STOX2: variants seen among roughly 807,000 people sequenced by gnomAD.
STOX2 encodes the protein storkhead box 2.
In STOX2, 28 loss-of-function variants were observed where a neutral mutation model predicts 60.9. That is an observed-to-expected ratio of 0.46 (90% CI 0.34 to 0.63). The LOEUF (loss-of-function observed/expected upper bound fraction) is 0.63. Among genes scored for constraint, STOX2 ranks in the 30% least tolerant of loss-of-function variants. The probability of loss-of-function intolerance (pLI) is 0.01; values close to 1 mark genes in which losing one functional copy is unlikely to be tolerated. For synonymous variants in STOX2, 472 were observed against 463.9 expected (o/e 1.02, Z -0.22); for missense variants, 1,024 against 1,187.7 (o/e 0.86, Z 2.03).
At chr4:183,953,682 C>T (rs1230348343) in intron 1 of STOX2, among the ~76,000 whole-genome samples, 1 of 151,610 alleles carries the variant, frequency 6.6e-6, no homozygotes, top group African/African-American at 2.4e-5. Context: ...TCTCCTGCCT[C>T]AGCCTCCCGA....
chr4:183,843,676 A>G (rs911886394), intron 1 of STOX2, among the ~76,000 whole-genome samples: 21 of 152,338 alleles, frequency 1.4e-4, no homozygotes, highest in African/African-American at 5.0e-4. Context: ...TAATTTTCAC[A>G]TATGATGAAA....
chr4:183,952,795 G>A (rs1225629315), intron 1 of STOX2, among the ~76,000 whole-genome samples: 1 of 152,168 alleles, frequency 6.6e-6, no homozygotes, highest in Non-Finnish European at 1.5e-5. Context: ...ATATGCTCAT[G>A]AGTGGTGACT....
chr4:183,829,807 GT>G (rs1223169838), intron 1 of STOX2, among the ~76,000 whole-genome samples: 1 of 152,140 alleles, frequency 6.6e-6, no homozygotes, highest in Admixed American at 6.5e-5. Flanking sequence ...TAGATTTTCT[GT>G]TATGTGTTGG....
intron 1 of STOX2, among the ~76,000 whole-genome samples, chr4:183,934,547 T>C (rs892533916): frequency 3.3e-5 from 5 of 152,196 alleles, no homozygotes; most frequent in Admixed American, 6.5e-5. Context: ...TACTGACTTA[T>C]CCAGTTGTAC....
intron 1 of STOX2, among the ~76,000 whole-genome samples, chr4:183,912,051 G>A (rs758479099): frequency 3.9e-5 from 6 of 152,124 alleles, no homozygotes; most frequent in Non-Finnish European, 8.8e-5. Flanking sequence ...ATCAGAAGGC[G>A]TGTGCAACCA....
intron 1 of STOX2, among the ~76,000 whole-genome samples, chr4:183,805,437 T>G (rs951292027): frequency 7.9e-5 from 12 of 152,226 alleles, no homozygotes; most frequent in African/African-American, 2.9e-4. Flanking sequence ...ATCTAATTTT[T>G]TAATTTATAG....
intron 1 of STOX2, among the ~76,000 whole-genome samples, chr4:183,834,789 C>T (rs1483056899): frequency 5.3e-5 from 8 of 152,208 alleles, no homozygotes; most frequent in Admixed American, 1.3e-4. Flanking sequence ...CAATATTTAG[C>T]ACTTACTCTG....
intron 1 of STOX2, among the ~76,000 whole-genome samples, chr4:183,884,897 G>C (rs956943540): frequency 2.0e-5 from 3 of 152,170 alleles, no homozygotes; most frequent in Admixed American, 1.3e-4. Context: ...GGTCATGAAA[G>C]TAAACCTTGG....
chr4:183,922,492 C>T (rs1391820673), intron 1 of STOX2, among the ~76,000 whole-genome samples: 1 of 151,746 alleles, frequency 6.6e-6, no homozygotes, highest in African/African-American at 2.4e-5. Context: ...ATTACAGGCG[C>T]CCCCCACCAC....
chr4:183,939,666 G>C (rs1181438117), intron 1 of STOX2, among the ~76,000 whole-genome samples: 1 of 151,988 alleles, frequency 6.6e-6, no homozygotes, highest in Non-Finnish European at 1.5e-5. Flanking sequence ...TTGCTGGAGA[G>C]AGAGGGACTG....
At chr4:184,004,696 G>A (rs536657291) in intron 2 of STOX2, among the ~76,000 whole-genome samples, 1 of 152,274 alleles carries the variant, frequency 6.6e-6, no homozygotes, top group Admixed American at 6.5e-5. Flanking sequence ...CTGAATTTTT[G>A]AAAACCAACT....
chr4:183,892,426 C>A (rs1741242316), intron 1 of STOX2, among the ~76,000 whole-genome samples: 1 of 152,038 alleles, frequency 6.6e-6, no homozygotes, highest in South Asian at 2.1e-4. Flanking sequence ...CTATGGGCGC[C>A]CGCCACCACG....
At chr4:183,839,827 A>G (rs150015491) in intron 1 of STOX2, among the ~76,000 whole-genome samples, 1 of 152,380 alleles carries the variant, frequency 6.6e-6, no homozygotes, top group East Asian at 1.9e-4. Flanking sequence ...TTGCATGAGT[A>G]AAGAATCCAT....
At chr4:183,932,331 C>CAGT (rs1742450431) in intron 1 of STOX2, among the ~76,000 whole-genome samples, 3 of 23,398 alleles carry the variant, frequency 1.3e-4, no homozygotes, top group Non-Finnish European at 3.8e-4. Flanking sequence ...TGTATGTATA[C>CAGT]ATACAGTATA....
At position 183,947,083 on chromosome 4, in the gene STOX2, GGGT is replaced by G. The variant is rs200027705; in HGVS notation, c.166+40130_166+40132del. 1.3e-3 allele frequency among the ~76,000 whole-genome samples: 52 copies of G among 39,074 alleles called. No homozygotes were observed. In the East Asian group the frequency reaches 0.025, roughly 18 times the overall value. The allele number at this position is 39,074 out of a possible 152,430, so 25.6% of individuals were successfully genotyped here. ...CCGTGGATTTCGGTATCCTGGTGGG[GGGT>G]GGGGCAAGGGGGCTCCTGGAACCAG... On this transcript the variant is annotated intron_variant, in intron 1 of 3. Coordinates refer to ENST00000308497, the MANE Select transcript of STOX2 (RefSeq NM_020225.3).
In STOX2 at chr4:183,929,023, G is replaced by A. The variant is rs146534343; in HGVS notation, c.166+22067G>A. Among the ~76,000 whole-genome samples, 533 of 152,250 alleles carry A rather than the reference G, an allele frequency of 3.5e-3. 2 individuals carry two copies. Among genetic ancestry groups the A allele is most frequent in the African/African-American group, 0.012 (509 of 41,544 alleles). ...CCCCGAAAGCGTAACTCCTGTAACC[G>A]TCTCGAGAATTCCTCAGATGAGTAT... On this transcript the variant is annotated intron_variant, in intron 1 of 3. Coordinates refer to ENST00000308497, the MANE Select transcript of STOX2 (RefSeq NM_020225.3).
intron 1 of STOX2, among the ~76,000 whole-genome samples, chr4:183,857,819 A>T (rs995229751): frequency 3.3e-5 from 5 of 152,090 alleles, no homozygotes; most frequent in Non-Finnish European, 5.9e-5. Context: ...TTGGCGGCAC[A>T]GCTCCCTCCC....
intron 1 of STOX2, among the ~76,000 whole-genome samples, chr4:183,951,727 C>T (rs1192790873): frequency 6.6e-6 from 1 of 152,076 alleles, no homozygotes; most frequent in Non-Finnish European, 1.5e-5. Flanking sequence ...ATCACAAGGT[C>T]AGGAGTTCGA....
chr4:184,015,098 T>C (rs941190410), intron 3 of STOX2: 11 of 152,242 alleles, frequency 7.2e-5, no homozygotes, highest in African/African-American at 1.4e-4. Flanking sequence ...TCTTCCTTGA[T>C]GCTTACTTCT....
Sources: allele counts gnomAD v4.1 joint callset (sites outside exome capture counted in the v4.1 genomes callset), GRCh38; gene constraint gnomAD v4.1.1; transcripts MANE v1.5; gene names NCBI Gene and HGNC (gene_info 2026-07-23, HGNC 2026-07-21).